Variants in SCD5 observed in about 807,000 individuals in gnomAD.
SCD5 encodes the protein stearoyl-CoA desaturase 5.
A neutral mutation model predicts 30.4 loss-of-function variants in SCD5; 20 were observed. That is an observed-to-expected ratio of 0.66 (90% CI 0.46 to 0.96). The LOEUF (loss-of-function observed/expected upper bound fraction) is 0.96, where lower values mean the gene tolerates loss of function less well. Among genes scored for constraint, SCD5 ranks in the 40% least tolerant of loss-of-function variants. SCD5 has a pLI of 0.00. For missense variants in SCD5, 381 were observed against 443.3 expected, an observed-to-expected ratio of 0.86 and a Z score of 1.26; for synonymous variants, 173 against 176.4, an observed-to-expected ratio of 0.98 and a Z score of 0.16.
intron 3 of SCD5, among the ~76,000 whole-genome samples, chr4:82,637,404 A>C (rs1727456209): frequency 6.6e-6 from 1 of 152,238 alleles, no homozygotes; most frequent in Non-Finnish European, 1.5e-5. Flanking sequence ...ATAGAAAGTA[A>C]TCATTAAGAA....
At chr4:82,728,758 G>A (rs2148834713) in intron 1 of SCD5, among the ~76,000 whole-genome samples, 1 of 152,250 alleles carries the variant, frequency 6.6e-6, no homozygotes, top group South Asian at 2.1e-4. Context: ...CAAGCCTTCA[G>A]GGAGACCAAT....
Position 82,630,841 on chromosome 4 carries a change from G to A in SCD5, c.*486C>T, listed in dbSNP as rs1326967570. The A allele has an allele frequency of 6.6e-6, 1 of 151,766 alleles. No homozygotes were observed. Among genetic ancestry groups the A allele is most frequent in the African/African-American group, 2.4e-5 (1 of 41,150 alleles). 9.4% of individuals were successfully genotyped at this position (151,766 alleles called of 1,614,324 possible). On this transcript the variant is annotated 3_prime_UTR_variant, in exon 5 of 5. Transcript: ENST00000319540. ...AAGTTTTTTTCGGCAGGGTGCGGTG[G>A]CTCACGCCTGTAATCCCAGCTCTTT...
Position 82,636,857 on chromosome 4 carries a change from C to G in SCD5, c.570-34G>C, listed in dbSNP as rs748018793. 2.2e-5 allele frequency: 33 copies of G among 1,533,096 alleles called. No individual in the cohort carries two copies. In the African/African-American group the frequency reaches 3.1e-4, roughly 15 times the overall value. 95.0% of individuals were successfully genotyped at this position (1,533,096 alleles called of 1,614,324 possible). ...CAAGACACCATATCACCATGAGGACCCGCTGATGGGAGAGAGGATGGGCTG... is the reference window on the plus strand; with the variant it reads ...CAAGACACCATATCACCATGAGGACGCGCTGATGGGAGAGAGGATGGGCTG... On this transcript the variant is annotated intron_variant, in intron 3 of 4. Transcript: ENST00000319540.
At chr4:82,717,832 C>T (rs527435662) in intron 1 of SCD5, among the ~76,000 whole-genome samples, 2 of 151,700 alleles carry the variant, frequency 1.3e-5, no homozygotes, top group South Asian at 2.1e-4. Flanking sequence ...ACGAGAATTG[C>T]TTGAACCCAG....
At chr4:82,649,219 G>A (rs1016990157) in intron 3 of SCD5, among the ~76,000 whole-genome samples, 1 of 138,840 alleles carries the variant, frequency 7.2e-6, no homozygotes, top group African/African-American at 2.7e-5. Context: ...GTGTGTGTGT[G>A]TGAGATTCTT....
At chr4:82,753,790 C>G (rs536491581) in intron 1 of SCD5, among the ~76,000 whole-genome samples, 8 of 152,114 alleles carry the variant, frequency 5.3e-5, no homozygotes, top group Non-Finnish European at 1.0e-4. Context: ...CACATACCCC[C>G]CTGACAGAAG....
intron 2 of SCD5, among the ~76,000 whole-genome samples, chr4:82,690,321 C>CT (rs775747597): frequency 1.3e-5 from 2 of 152,188 alleles, no homozygotes; most frequent in African/African-American, 2.4e-5. Context: ...GAGCAGTACT[C>CT]TAAGAGTTGG....
At chr4:82,643,299 A>G (rs1727580385) in intron 3 of SCD5, among the ~76,000 whole-genome samples, 1 of 152,210 alleles carries the variant, frequency 6.6e-6, no homozygotes, top group Non-Finnish European at 1.5e-5. Flanking sequence ...ACATGAACAG[A>G]TATCTGTATG....
intron 3 of SCD5, among the ~76,000 whole-genome samples, chr4:82,663,076 A>G (rs2148817259): frequency 6.6e-6 from 1 of 152,290 alleles, no homozygotes; most frequent in African/African-American, 2.4e-5. Flanking sequence ...CACCTCGACA[A>G]TGAGAAAAAG....
In SCD5 at chr4:82,680,700, C is replaced by G; in HGVS notation, c.569+7G>C. On this transcript the variant is annotated splice_region_variant and intron_variant, in intron 3 of 4. Coordinates refer to ENST00000319540, the MANE Select transcript of SCD5 (RefSeq NM_001037582.3). The stretch of plus-strand genomic sequence containing the variant: ...GGGACAGCTCTCCGTCATGCCCATT[C>G]ACTTACTTTCTCTGGATCCGGACCA... The G allele has an allele frequency of 6.2e-7, 1 of 1,614,026 alleles. No homozygotes were observed. Among genetic ancestry groups the G allele is most frequent in the Non-Finnish European group, 8.5e-7 (1 of 1,179,942 alleles).
At chr4:82,794,017 C>T (rs530189989) in intron 1 of SCD5, among the ~76,000 whole-genome samples, 96 of 152,290 alleles carry the variant, frequency 6.3e-4, no homozygotes, top group Admixed American at 4.2e-3. Flanking sequence ...GAAGACAGCT[C>T]ATCTTTGGGC....
chr4:82,796,088 G>C (rs1000419273), intron 1 of SCD5, among the ~76,000 whole-genome samples: 1 of 151,816 alleles, frequency 6.6e-6, no homozygotes, highest in Admixed American at 6.6e-5. Flanking sequence ...GGCTAACACG[G>C]TGAAACCCCA....
At chr4:82,682,119 G>T (rs760380295) in intron 2 of SCD5, among the ~76,000 whole-genome samples, 5 of 152,202 alleles carry the variant, frequency 3.3e-5, no homozygotes, top group African/African-American at 2.4e-5. Flanking sequence ...AGTGGCTGAG[G>T]AACAGGGCAG....
intron 1 of SCD5, among the ~76,000 whole-genome samples, chr4:82,790,577 TAA>T (rs1301824113): frequency 6.6e-6 from 1 of 152,094 alleles, no homozygotes; most frequent in Admixed American, 6.5e-5. Context: ...CAATTCCCCC[TAA>T]GCTGGCACTG....
intron 3 of SCD5, among the ~76,000 whole-genome samples, chr4:82,657,576 A>G (rs1022771791): frequency 2.0e-5 from 3 of 152,206 alleles, no homozygotes; most frequent in Non-Finnish European, 4.4e-5. Flanking sequence ...TGTCTTGGTT[A>G]TACAGGCTCT....
At chr4:82,658,733 TG>T (rs1727921886) in intron 3 of SCD5, among the ~76,000 whole-genome samples, 1 of 151,460 alleles carries the variant, frequency 6.6e-6, no homozygotes, top group Non-Finnish European at 1.5e-5. Context: ...GGATTTGGTT[TG>T]CCAGTATTTT....
intron 1 of SCD5, among the ~76,000 whole-genome samples, chr4:82,713,274 C>T (rs1720149078): frequency 6.6e-6 from 1 of 152,154 alleles, no homozygotes; most frequent in Non-Finnish European, 1.5e-5. Context: ...GGTCCATTTA[C>T]ACGGTTGTAA....
At chr4:82,782,184 G>A (rs1177701660) in intron 1 of SCD5, among the ~76,000 whole-genome samples, 1 of 151,180 alleles carries the variant, frequency 6.6e-6, no homozygotes, top group Admixed American at 6.6e-5. Context: ...CTGAAAAAGG[G>A]GCATGACTGA....
chr4:82,631,311 G>A lies in SCD5; in HGVS notation c.*16C>T. 6.2e-7 allele frequency: 1 copy of A among 1,608,392 alleles called. No individual in the cohort carries two copies. Among genetic ancestry groups the A allele is most frequent in the Admixed American group, 1.7e-5 (1 of 59,904 alleles). On this transcript the variant is annotated 3_prime_UTR_variant, in exon 5 of 5. Transcript: ENST00000319540. ...CGAGGTTGCAACGGCAGACATGTGGGATGGCTGTTCCAAGTTCAAGCACTG... is the reference window on the plus strand; with the variant it reads ...CGAGGTTGCAACGGCAGACATGTGGAATGGCTGTTCCAAGTTCAAGCACTG...
Sources: allele counts gnomAD v4.1 joint callset (sites outside exome capture counted in the v4.1 genomes callset), GRCh38; gene constraint gnomAD v4.1.1; transcripts MANE v1.5; gene names NCBI Gene and HGNC (gene_info 2026-07-23, HGNC 2026-07-21).